Variants in WWOX observed in about 807,000 individuals in gnomAD.
WWOX encodes the protein WW domain containing oxidoreductase.
WWOX carries 69 observed loss-of-function variants against 46.2 expected under a neutral mutation model. That is an observed-to-expected ratio of 1.49 (90% CI 1.23 to 1.82). The LOEUF (loss-of-function observed/expected upper bound fraction) is 1.82. WWOX is among the 40% of genes most tolerant of loss of function. WWOX has a pLI of 0.00. For missense variants in WWOX, 919 were observed against 542.6 expected (o/e 1.69, Z -6.89); for synonymous variants, 359 against 202.6 (o/e 1.77, Z -6.56).
intron 5 of WWOX, among the ~76,000 whole-genome samples, chr16:78,326,570 T>TC (rs1287342811): frequency 2.1e-3 from 21 of 9,996 alleles, no homozygotes; most frequent in South Asian, 0.01. Context: ...CTGCCTGCCC[T>TC]CCCCCCGCCC....
chr16:78,400,577 T>A (rs553203664), intron 6 of WWOX, among the ~76,000 whole-genome samples: 1 of 152,256 alleles, frequency 6.6e-6, no homozygotes, highest in African/African-American at 2.4e-5. Flanking sequence ...ATTTCCCAAC[T>A]TGGCCCATGA....
chr16:79,087,325 G>C (rs1051872679), intron 8 of WWOX, among the ~76,000 whole-genome samples: 2 of 152,196 alleles, frequency 1.3e-5, no homozygotes, highest in Admixed American at 6.5e-5. Flanking sequence ...TGTTGAGCAG[G>C]GAAGAAGCTG....
intron 8 of WWOX, among the ~76,000 whole-genome samples, chr16:78,541,158 A>G (rs1389246775): frequency 1.3e-5 from 2 of 152,152 alleles, no homozygotes; most frequent in Admixed American, 6.5e-5. Context: ...CACATACTCT[A>G]TAAATACACT....
intron 8 of WWOX, among the ~76,000 whole-genome samples, chr16:78,798,772 ATAAAG>A (rs1555538441): frequency 6.6e-6 from 1 of 152,202 alleles, no homozygotes; most frequent in Non-Finnish European, 1.5e-5. Context: ...TACTATTAAC[ATAAAG>A]TAATATAAAC....
chr16:79,083,669 G>A (rs1259743128), intron 8 of WWOX, among the ~76,000 whole-genome samples: 2 of 152,150 alleles, frequency 1.3e-5, no homozygotes, highest in Non-Finnish European at 2.9e-5. Flanking sequence ...CAATTGCACG[G>A]CACAGAGGGA....
intron 6 of WWOX, among the ~76,000 whole-genome samples, chr16:78,390,508 C>G (rs540819294): frequency 1.1e-4 from 16 of 152,250 alleles, no homozygotes; most frequent in African/African-American, 3.4e-4. Context: ...GTAGCACAAC[C>G]CTCTTTGTAT....
intron 8 of WWOX, among the ~76,000 whole-genome samples, chr16:78,991,633 C>A (rs2046889217): frequency 6.7e-6 from 1 of 149,058 alleles, no homozygotes; most frequent in African/African-American, 2.5e-5. Context: ...TCTCCACCTA[C>A]CAGTGGTGGG....
chr16:78,706,058 G>GTTTTTTTTTTTTTTTTTTTTTTTTT (rs3051058), intron 8 of WWOX, among the ~76,000 whole-genome samples: 1 of 106,428 alleles, frequency 9.4e-6, no homozygotes, highest in Non-Finnish European at 1.8e-5. Context: ...GTTATGGCAG[G>GTTTTTTTTTTTTTTTTTTTTTTTTT]TTTTTTTTTT....
In WWOX at chr16:79,211,623, A is replaced by C. The variant is rs1567624901; in HGVS notation, c.1072A>C (p.Thr358Pro). The change falls in exon 9 of 9, where the codon ACC becomes CCC. Residue 358 changes from threonine to proline, a missense_variant. By Grantham distance (38) the Thr-to-Pro change is conservative. Transcript: ENST00000566780. ...GGATTTCCAGCAACAGGGAGCTGCC[A>C]CCACCGTGTACTGTGCTGCTGTCCC... Reference protein sequence around the residue: ...FTKSMQQGAATTVYCAAVPEL... With the variant: ...FTKSMQQGAAPTVYCAAVPEL... 6.2e-7 allele frequency: 1 copy of C among 1,614,126 alleles called. No homozygotes were observed. Among genetic ancestry groups the C allele is most frequent in the Admixed American group, 1.7e-5 (1 of 60,024 alleles).
intron 5 of WWOX, among the ~76,000 whole-genome samples, chr16:78,295,440 G>C (rs529455932): frequency 6.6e-6 from 1 of 152,190 alleles, no homozygotes; most frequent in Non-Finnish European, 1.5e-5. Flanking sequence ...GGCCAGGTGT[G>C]GTGGCTCACG....
intron 8 of WWOX, among the ~76,000 whole-genome samples, chr16:78,947,266 T>A (rs1280338308): frequency 2.0e-5 from 3 of 152,164 alleles, no homozygotes; most frequent in Non-Finnish European, 4.4e-5. Flanking sequence ...CTCAAGCCAC[T>A]TAGATTTTTA....
intron 6 of WWOX, among the ~76,000 whole-genome samples, chr16:78,388,776 C>T (rs967033646): frequency 2.6e-5 from 4 of 151,510 alleles, no homozygotes; most frequent in African/African-American, 9.7e-5. Context: ...TCGAGACCAG[C>T]CTGGGCAACA....
At position 78,945,012 on chromosome 16, in the gene WWOX, C is replaced by G. The variant is rs182261654; in HGVS notation, c.1057-266596C>G. The stretch of plus-strand genomic sequence containing the variant: ...TGAGCAACATGGTGAAACCCCATCT[C>G]TACAAAAAATATAGAACATTAGCTG... On this transcript the variant is annotated intron_variant, in intron 8 of 8. Coordinates refer to ENST00000566780, the MANE Select transcript of WWOX (RefSeq NM_016373.4). Among the ~76,000 whole-genome samples, 81 of 152,186 alleles carry G rather than the reference C, an allele frequency of 5.3e-4. No individual in the cohort carries two copies. In the Middle Eastern group the frequency reaches 0.01, roughly 19 times the overall value.
At chr16:78,753,856 G>GTATATATATA (rs1264626542) in intron 8 of WWOX, among the ~76,000 whole-genome samples, 4 of 59,324 alleles carry the variant, frequency 6.7e-5, no homozygotes, top group African/African-American at 2.4e-4. Context: ...ATATATATAT[G>GTATATATATA]TATATGTATA....
intron 8 of WWOX, among the ~76,000 whole-genome samples, chr16:78,746,010 A>G (rs926380173): frequency 6.6e-6 from 1 of 152,180 alleles, no homozygotes; most frequent in Non-Finnish European, 1.5e-5. Flanking sequence ...GGGAAGGGCC[A>G]TAATCTGTAT....
chr16:78,365,372 T>C (rs886824273), intron 5 of WWOX, among the ~76,000 whole-genome samples: 4 of 152,202 alleles, frequency 2.6e-5, no homozygotes, highest in Non-Finnish European at 4.4e-5. Context: ...GGGTTCTGTT[T>C]ATTGAGAAAT....
intron 8 of WWOX, among the ~76,000 whole-genome samples, chr16:78,728,921 C>G (rs1385967678): frequency 1.3e-5 from 2 of 152,126 alleles, no homozygotes; most frequent in Non-Finnish European, 2.9e-5. Flanking sequence ...TTAGTCATTC[C>G]AACGGTGTGG....
intron 6 of WWOX, among the ~76,000 whole-genome samples, chr16:78,405,859 T>A (rs113602815): frequency 1.3e-5 from 2 of 152,252 alleles, no homozygotes; most frequent in South Asian, 4.1e-4. Context: ...GCCACACACA[T>A]AATGAGAGGC....
chr16:78,542,404 G>T (rs2043920381), intron 8 of WWOX, among the ~76,000 whole-genome samples: 1 of 152,162 alleles, frequency 6.6e-6, no homozygotes, highest in Non-Finnish European at 1.5e-5. Flanking sequence ...GAGTGGTGTT[G>T]CAGGGACCTG....
Sources: gnomAD v4.1 joint callset for allele counts (sites outside exome capture counted in the v4.1 genomes callset) on GRCh38, gnomAD v4.1.1 for gene constraint, MANE v1.5 for transcripts, NCBI Gene and HGNC (gene_info 2026-07-23, HGNC 2026-07-21) for gene names.